CTNND2: variants seen among roughly 807,000 people sequenced by gnomAD.
The protein encoded by CTNND2 is catenin delta 2.
In CTNND2, 22 loss-of-function variants were observed where a neutral mutation model predicts 144.4. The ratio of observed to expected loss-of-function variants is 0.15; its 90% CI spans 0.11 to 0.22. The LOEUF (loss-of-function observed/expected upper bound fraction) is 0.22, where lower values mean the gene tolerates loss of function less well. Among genes scored for constraint, CTNND2 ranks in the 10% least tolerant of loss-of-function variants. The probability of loss-of-function intolerance (pLI) is 1.00; values close to 1 mark genes in which losing one functional copy is unlikely to be tolerated. For synonymous variants in CTNND2, 751 were observed against 695.6 expected (o/e 1.08, Z -1.25); for missense variants, 1,353 against 1,618.8 (o/e 0.84, Z 2.82).
intron 10 of CTNND2, among the ~76,000 whole-genome samples, chr5:11,212,856 A>G (rs1287703651): frequency 6.6e-6 from 1 of 152,180 alleles, no homozygotes; most frequent in Non-Finnish European, 1.5e-5. Context: ...GGAGGAGACT[A>G]GACTGGAGCT....
chr5:11,758,177 C>T (rs1789055812), intron 1 of CTNND2, among the ~76,000 whole-genome samples: 1 of 151,750 alleles, frequency 6.6e-6, no homozygotes, highest in South Asian at 2.1e-4. Flanking sequence ...CTGAAGATGC[C>T]ATCTTTCTAA....
At chr5:11,235,730 C>A (rs1741558933) in intron 10 of CTNND2, among the ~76,000 whole-genome samples, 1 of 152,186 alleles carries the variant, frequency 6.6e-6, no homozygotes, top group Admixed American at 6.5e-5. Context: ...CACAAAGAAA[C>A]AGGACTTTCC....
chr5:11,604,290 G>A (rs958756515), intron 2 of CTNND2, among the ~76,000 whole-genome samples: 19 of 152,306 alleles, frequency 1.2e-4, no homozygotes, highest in African/African-American at 4.6e-4. Flanking sequence ...CAGTTGGCAT[G>A]AAAAATTTAC....
chr5:11,138,470 G>A (rs1756377091), intron 12 of CTNND2, among the ~76,000 whole-genome samples: 2 of 152,206 alleles, frequency 1.3e-5, no homozygotes, highest in South Asian at 4.1e-4. Context: ...GAGGACACGT[G>A]TTAAACTGGG....
chr5:11,341,174 G>A (rs1444634442), intron 9 of CTNND2, among the ~76,000 whole-genome samples: 1 of 152,164 alleles, frequency 6.6e-6, no homozygotes, highest in Non-Finnish European at 1.5e-5. Context: ...GGAGTGAGGT[G>A]CAGGAACTGT....
intron 9 of CTNND2, among the ~76,000 whole-genome samples, chr5:11,240,531 CA>C: frequency 7.8e-6 from 1 of 128,270 alleles, no homozygotes; most frequent in Non-Finnish European, 1.6e-5. Context: ...CCAACACACA[CA>C]CCCAACACAC....
intron 12 of CTNND2, among the ~76,000 whole-genome samples, chr5:11,128,806 CAA>C (rs1240807943): frequency 5.6e-5 from 3 of 53,866 alleles, no homozygotes; most frequent in African/African-American, 9.6e-5. Flanking sequence ...TATATATATA[CAA>C]TATATATAAT....
At chr5:11,623,587 C>T (rs1365081750) in intron 2 of CTNND2, among the ~76,000 whole-genome samples, 1 of 151,492 alleles carries the variant, frequency 6.6e-6, no homozygotes, top group Non-Finnish European at 1.5e-5. Flanking sequence ...CTAATACACC[C>T]ATCTCACATG....
intron 2 of CTNND2, among the ~76,000 whole-genome samples, chr5:11,608,842 T>TCAG (rs767730789): frequency 6.6e-6 from 1 of 152,160 alleles, no homozygotes; most frequent in Non-Finnish European, 1.5e-5. Flanking sequence ...GAAATCATCA[T>TCAG]CAGCAGCAGC....
intron 11 of CTNND2, 25 bp downstream of exon 11, chr5:11,199,423 A>G: frequency 6.3e-7 from 1 of 1,589,342 alleles, no homozygotes; most frequent in Non-Finnish European, 8.6e-7. Context: ...GAGATATAAT[A>G]TAATAATTTA....
chr5:11,680,237 G>A (rs919110112), intron 2 of CTNND2, among the ~76,000 whole-genome samples: 19 of 152,190 alleles, frequency 1.2e-4, no homozygotes, highest in African/African-American at 4.3e-4. Context: ...GCAGCTCTTA[G>A]ATAACGCAGG....
intron 18 of CTNND2, among the ~76,000 whole-genome samples, chr5:11,004,425 G>C (rs879020909): frequency 2.6e-5 from 4 of 152,138 alleles, no homozygotes; most frequent in Non-Finnish European, 5.9e-5. Flanking sequence ...CGATGTTTAC[G>C]CTGGGTCTCA....
intron 9 of CTNND2, among the ~76,000 whole-genome samples, chr5:11,255,360 T>C (rs1041533127): frequency 3.3e-5 from 5 of 152,222 alleles, no homozygotes; most frequent in African/African-American, 1.2e-4. Flanking sequence ...GAGCAGACTT[T>C]GCGCTGGTTT....
intron 1 of CTNND2, among the ~76,000 whole-genome samples, chr5:11,754,284 T>C (rs1282982793): frequency 6.6e-6 from 1 of 151,748 alleles, no homozygotes; most frequent in East Asian, 1.9e-4. Context: ...TTTGAGATCT[T>C]TCTAACTTTT....
intron 1 of CTNND2, among the ~76,000 whole-genome samples, chr5:11,744,422 T>A (rs903921401): frequency 4.0e-5 from 6 of 151,704 alleles, no homozygotes; most frequent in Non-Finnish European, 8.8e-5. Context: ...GCAATCAGGG[T>A]CCCCTCAGAC....
rs184496611 is a variant in CTNND2 at position 11,296,166 on chromosome 5, G to A, written c.1628+50206C>T. Among the ~76,000 whole-genome samples, 1,409 of 151,832 alleles carry A rather than the reference G, an allele frequency of 9.3e-3. 6 individuals carry two copies. Among genetic ancestry groups the A allele is most frequent in the Non-Finnish European group, 0.015 (1,047 of 67,966 alleles). On this transcript the variant is annotated intron_variant, in intron 9 of 21. Coordinates refer to ENST00000304623, the MANE Select transcript of CTNND2 (RefSeq NM_001332.4). Reference sequence around the variant, plus strand: ...AAACAAGCAACCCCATCAACAAGTGGTTGAAGGATATGAACAGACACTTCT... The same window carrying A: ...AAACAAGCAACCCCATCAACAAGTGATTGAAGGATATGAACAGACACTTCT...
chr5:11,736,118 C>A lies in CTNND2; in HGVS notation c.38-3846G>T, dbSNP rs142041208. On this transcript the variant is annotated intron_variant, in intron 1 of 21. Coordinates refer to ENST00000304623, the MANE Select transcript of CTNND2 (RefSeq NM_001332.4). Reference sequence around the variant, plus strand: ...GCCTTTTAATTCCTATTTCAATGTCCTTTGATGTGTCAGCCTATTTCCTAT... The same window carrying A: ...GCCTTTTAATTCCTATTTCAATGTCATTTGATGTGTCAGCCTATTTCCTAT... Among the ~76,000 whole-genome samples the A allele has an allele frequency of 4.4e-3, 674 of 152,272 alleles. 5 individuals carry two copies. The highest frequency in any genetic ancestry group is 0.015 in the African/African-American group (631 of 41,552).
chr5:11,602,514 G>A (rs1346959088), intron 2 of CTNND2, among the ~76,000 whole-genome samples: 1 of 151,828 alleles, frequency 6.6e-6, no homozygotes, highest in African/African-American at 2.4e-5. Flanking sequence ...GTCTCTTCCA[G>A]TAGTCTGTCC....
chr5:11,380,592 G>A (rs555985539), intron 7 of CTNND2, among the ~76,000 whole-genome samples: 11 of 152,230 alleles, frequency 7.2e-5, no homozygotes, highest in East Asian at 1.9e-4. Context: ...TAAAAGAAAC[G>A]AAATTTTTAA....
Sources: allele counts gnomAD v4.1 joint callset (sites outside exome capture counted in the v4.1 genomes callset), GRCh38; gene constraint gnomAD v4.1.1; transcripts MANE v1.5; gene names NCBI Gene and HGNC (gene_info 2026-07-23, HGNC 2026-07-21).